Variants in SLC18B1 observed in about 807,000 individuals in gnomAD.
SLC18B1 encodes MFS-type transporter SLC18B1.
A neutral mutation model predicts 53.9 loss-of-function variants in SLC18B1; 62 were observed. The observed-to-expected ratio is 1.15, with a 90% CI of 0.94 to 1.42. SLC18B1 has a LOEUF of 1.42. Ranked by LOEUF, SLC18B1 falls within the 40% of genes most tolerant of loss-of-function variation. SLC18B1 has a pLI of 0.00. For missense variants in SLC18B1, 598 were observed against 547.3 expected (o/e 1.09, Z -0.93); for synonymous variants, 217 against 200.9 (o/e 1.08, Z -0.68).
In SLC18B1 at chr6:132,775,143, G is replaced by A. The variant is rs550123387; in HGVS notation, c.898-830C>T. Among the ~76,000 whole-genome samples the A allele has an allele frequency of 4.6e-5, 7 of 152,250 alleles. No individual in the cohort carries two copies. The East Asian group carries it at 1.2e-3, about 25-fold the overall frequency. On this transcript the variant is annotated intron_variant, in intron 8 of 13. Transcript: ENST00000275227. The stretch of plus-strand genomic sequence containing the variant: ...ATAGAATTAGTATCCTTATACAAGA[G>A]GCCCCAAAGAGCTCCCTTGCCCATT...
chr6:132,786,909 C>A (rs1024560989), intron 5 of SLC18B1, among the ~76,000 whole-genome samples: 3 of 152,092 alleles, frequency 2.0e-5, no homozygotes, highest in Non-Finnish European at 4.4e-5. Flanking sequence ...ATCATGCCAC[C>A]AGGATCTGGA....
At chr6:132,778,309 T>C (rs577813387) in intron 7 of SLC18B1, among the ~76,000 whole-genome samples, 2 of 152,240 alleles carry the variant, frequency 1.3e-5, no homozygotes, top group South Asian at 2.1e-4. Context: ...AAGCCTGACA[T>C]TGGGTACCTT....
chr6:132,787,761 C>CT lies in SLC18B1; in HGVS notation c.354-181dup, dbSNP rs1781415702. 2.6e-5 allele frequency among the ~76,000 whole-genome samples: 4 copies of CT among 152,046 alleles called. No homozygotes were observed. In the South Asian group the frequency reaches 8.3e-4, roughly 32 times the overall value. ...GTCTTTTCAGGAGGAGGAAATTACC[C>CT]TTTTTCTTTTTTTGGTAACCATTTG... On this transcript the variant is annotated intron_variant, in intron 4 of 13. Coordinates refer to ENST00000275227, the MANE Select transcript of SLC18B1 (RefSeq NM_052831.3).
In SLC18B1 at chr6:132,792,288, A is replaced by AAAGAAAGAAAGAAAGAAAG. The variant is rs770774646; in HGVS notation, c.184-2017_184-2016insCTTTCTTTCTTTCTTTCTT. On this transcript the variant is annotated intron_variant, in intron 2 of 13. Coordinates refer to ENST00000275227, the MANE Select transcript of SLC18B1 (RefSeq NM_052831.3). Reference sequence around the variant, plus strand: ...GAAAGAAAGAAAGAAAGAAAGGAAGAAAGGAAGGAAGGAAGGAAGGAAGGA... The same window carrying AAAGAAAGAAAGAAAGAAAG: ...GAAAGAAAGAAAGAAAGAAAGGAAGAAAGAAAGAAAGAAAGAAAGAAGGAAGGAAGGAAGGAAGGAAGGA... 1.3e-3 allele frequency among the ~76,000 whole-genome samples: 51 copies of AAAGAAAGAAAGAAAGAAAG among 39,932 alleles called. 8 individuals carry two copies. The highest frequency in any genetic ancestry group is 6.1e-3 in the African/African-American group (47 of 7,760). The allele number at this position is 39,932 out of a possible 152,430, so 26.2% of individuals were successfully genotyped here. A position where few individuals can be genotyped will look rare whatever the true frequency, so the allele number is the denominator to read the frequency against.
intron 2 of SLC18B1, 114 bp downstream of exon 2, chr6:132,796,868 G>T: frequency 8.7e-7 from 1 of 1,144,968 alleles, no homozygotes; most frequent in Admixed American, 2.9e-5. Flanking sequence ...TACACCATCT[G>T]TCCTATATGC....
At chr6:132,787,310 G>T in intron 5 of SLC18B1, 124 bp downstream of exon 5, 1 of 921,012 alleles carries the variant, frequency 1.1e-6, no homozygotes. Context: ...GGGGTGAAAG[G>T]CAACAATAAT....
intron 5 of SLC18B1, among the ~76,000 whole-genome samples, chr6:132,785,653 T>A (rs182937976): frequency 1.5e-4 from 23 of 152,330 alleles, no homozygotes; most frequent in Admixed American, 1.5e-3. Flanking sequence ...TGTCTCTTGC[T>A]GATCAGAAAA....
At position 132,787,589 on chromosome 6, in the gene SLC18B1, GGAATAAGACAATTCT is replaced by G; in HGVS notation, c.354-23_354-9del. The G allele has an allele frequency of 6.5e-7, 1 of 1,529,922 alleles. No individual in the cohort carries two copies. The highest frequency in any genetic ancestry group is 2.4e-5 in the East Asian group (1 of 41,326). The allele number at this position is 1,529,922 out of a possible 1,614,324, so 94.8% of individuals were successfully genotyped here. On this transcript the variant is annotated splice_polypyrimidine_tract_variant and intron_variant, in intron 4 of 13. Coordinates refer to ENST00000275227, the MANE Select transcript of SLC18B1 (RefSeq NM_052831.3). ...GGAACTCGGTCCAATACACTAAAAA[GGAATAAGACAATTCT>G]GAAATGCCAAGCTGGTTTTCTTTTT...
intron 8 of SLC18B1, 26 bp from the exon 9 acceptor site, chr6:132,774,339 A>T: frequency 6.4e-7 from 1 of 1,567,238 alleles, no homozygotes; most frequent in Non-Finnish European, 8.8e-7. Context: ...GAGAGTCAAA[A>T]TGATTCTTAG....
chr6:132,779,493 T>G, intron 6 of SLC18B1, 89 bp from the exon 7 acceptor site: 1 of 1,370,322 alleles, frequency 7.3e-7, no homozygotes, highest in South Asian at 1.4e-5. Flanking sequence ...TAACACCATC[T>G]TTATCTGGTA....
intron 2 of SLC18B1, among the ~76,000 whole-genome samples, chr6:132,792,871 C>G (rs1357230255): frequency 6.6e-6 from 1 of 152,128 alleles, no homozygotes; most frequent in Non-Finnish European, 1.5e-5. Flanking sequence ...GTAATTCCAG[C>G]AATTTAGGAG....
At chr6:132,794,567 A>T (rs534199035) in intron 2 of SLC18B1, among the ~76,000 whole-genome samples, 1 of 152,084 alleles carries the variant, frequency 6.6e-6, no homozygotes, top group South Asian at 2.1e-4. Flanking sequence ...ATTAGACCTC[A>T]CTTCACCCCA....
intron 8 of SLC18B1, among the ~76,000 whole-genome samples, chr6:132,775,591 G>A (rs1258214755): frequency 1.3e-5 from 2 of 152,090 alleles, no homozygotes; most frequent in South Asian, 2.1e-4. Context: ...CCCTAAAACC[G>A]CAGAAGTTTA....
intron 5 of SLC18B1, among the ~76,000 whole-genome samples, chr6:132,785,895 T>TAAAAAAAAAAAAA (rs1781355797): frequency 5.3e-5 from 1 of 19,032 alleles, no homozygotes; most frequent in Admixed American, 7.8e-4. Flanking sequence ...ACCCTGTCTC[T>TAAAAAAAAAAAAA]ACAAAAAAAA....
At chr6:132,797,352 A>C (rs11962883) in intron 1 of SLC18B1, among the ~76,000 whole-genome samples, 30,792 of 152,152 alleles carry the variant, frequency 0.2, 4,458 homozygotes, top group African/African-American at 0.41. Flanking sequence ...GTAATCCCAG[A>C]ACTTTGGGAG....
At chr6:132,773,563 A>G (rs1582853820) in intron 9 of SLC18B1, among the ~76,000 whole-genome samples, 2 of 152,352 alleles carry the variant, frequency 1.3e-5, no homozygotes, top group Non-Finnish European at 2.9e-5. Context: ...TACCAGATTT[A>G]ATCCTTGTAA....
rs1781489928 is a variant in SLC18B1 at position 132,790,249 on chromosome 6, A to T, written c.207T>A (p.Asn69Lys). The T allele has an allele frequency of 1.3e-6, 2 of 1,567,518 alleles. No individual in the cohort carries two copies. Among genetic ancestry groups the T allele is most frequent in the East Asian group, 4.6e-5 (2 of 43,642 alleles). ...ATCCAAAGATCATACCGATAATTGT[A>T]TTGCTGGCTCCCTTCTTTTCAGCCT... ...PKEAEKKGAS[N>K]TIIGMIFGCF... Residue 69 changes from asparagine (N) to lysine (K), a missense_variant, in exon 3 of 14, where the codon AAT becomes AAA. Transcript: ENST00000275227.
intron 4 of SLC18B1, among the ~76,000 whole-genome samples, chr6:132,787,935 G>A (rs1781422384): frequency 6.6e-6 from 1 of 152,066 alleles, no homozygotes; most frequent in East Asian, 1.9e-4. Context: ...GCTGAGGCAG[G>A]CAAATCACGA....
intron 4 of SLC18B1, among the ~76,000 whole-genome samples, chr6:132,789,284 C>T (rs1220885814): frequency 6.6e-6 from 1 of 152,200 alleles, no homozygotes; most frequent in Non-Finnish European, 1.5e-5. Flanking sequence ...TTCTGTGACT[C>T]TAATAGGAAC....
Sources: allele counts gnomAD v4.1 joint callset (sites outside exome capture counted in the v4.1 genomes callset), GRCh38; gene constraint gnomAD v4.1.1; transcripts MANE v1.5; gene names NCBI Gene and HGNC (gene_info 2026-07-23, HGNC 2026-07-21).